GPHN: variants seen among roughly 807,000 people sequenced by gnomAD.
GPHN encodes gephyrin.
Under a neutral mutation model 95.5 loss-of-function variants are expected in GPHN, and 17 were observed. That is an observed-to-expected ratio of 0.18 (90% CI 0.12 to 0.27). The LOEUF (loss-of-function observed/expected upper bound fraction) is 0.27, where lower values mean the gene tolerates loss of function less well. Among genes scored for constraint, GPHN ranks in the 10% least tolerant of loss-of-function variants. GPHN has a pLI of 1.00. For missense variants in GPHN, 660 were observed against 978.1 expected, an observed-to-expected ratio of 0.67 and a Z score of 4.34; for synonymous variants, 320 against 322.5, an observed-to-expected ratio of 0.99 and a Z score of 0.08.
chr14:67,435,761 C>T, the GPHN span, among the ~76,000 whole-genome samples: 1 of 152,210 alleles, frequency 6.6e-6, no homozygotes, highest in African/African-American at 2.4e-5. Context: ...ACCTTTCTGC[C>T]TTCAACTCTG....
chr14:67,264,268 A>G, the GPHN span, among the ~76,000 whole-genome samples: 1 of 152,216 alleles, frequency 6.6e-6, no homozygotes, highest in Non-Finnish European at 1.5e-5. Context: ...AGAATTGTTT[A>G]AAGATTAAGT....
At chr14:67,687,068 T>C in the GPHN span, among the ~76,000 whole-genome samples, 4 of 152,330 alleles carry the variant, frequency 2.6e-5, no homozygotes, top group South Asian at 8.3e-4. Flanking sequence ...AAAAGGGTTC[T>C]GATGAATGCC....
the GPHN span, among the ~76,000 whole-genome samples, chr14:67,631,434 CT>C: frequency 2.7e-3 from 302 of 113,118 alleles, no homozygotes; most frequent in African/African-American, 3.3e-3. Flanking sequence ...TTCTTTCTTT[CT>C]TTTTTTTTTT....
At chr14:66,819,822 C>A (rs2061121474) in intron 3 of GPHN, among the ~76,000 whole-genome samples, 1 of 152,016 alleles carries the variant, frequency 6.6e-6, no homozygotes, top group South Asian at 2.1e-4. Context: ...ATTCCAACAT[C>A]TTTCACTGCT....
chr14:67,639,226 C>T, the GPHN span, among the ~76,000 whole-genome samples: 125 of 152,234 alleles, frequency 8.2e-4, no homozygotes, highest in Middle Eastern at 3.4e-3. Context: ...TTTTCTGTCA[C>T]GTTTATCTGA....
intron 6 of GPHN, among the ~76,000 whole-genome samples, chr14:66,918,754 A>G (rs2066047775): frequency 6.6e-6 from 1 of 152,154 alleles, no homozygotes; most frequent in South Asian, 2.1e-4. Context: ...AAGGACCTAG[A>G]GATCACTCCC....
intron 1 of GPHN, among the ~76,000 whole-genome samples, chr14:66,545,345 C>T (rs1175072932): frequency 6.8e-6 from 1 of 146,264 alleles, no homozygotes; most frequent in Admixed American, 6.7e-5. Flanking sequence ...CTGACCCCCC[C>T]ACCTCCCTCC....
At chr14:66,529,848 C>G (rs1232090230) in intron 1 of GPHN, among the ~76,000 whole-genome samples, 1 of 152,144 alleles carries the variant, frequency 6.6e-6, no homozygotes, top group Non-Finnish European at 1.5e-5. Flanking sequence ...AAGCTTCATC[C>G]CAGAGGGGCA....
At chr14:67,389,651 T>G in the GPHN span, among the ~76,000 whole-genome samples, 1 of 152,056 alleles carries the variant, frequency 6.6e-6, no homozygotes, top group African/African-American at 2.4e-5. Context: ...CACGTATGTG[T>G]GTGTATATAT....
Position 67,025,387 on chromosome 14 carries a change from T to C in GPHN, c.1006+1712T>C, listed in dbSNP as rs78868975. 7.1e-3 allele frequency among the ~76,000 whole-genome samples: 1,078 copies of C among 152,314 alleles called. 5 individuals are homozygous for C. The highest frequency in any genetic ancestry group is 0.025 in the African/African-American group (1,029 of 41,566). On this transcript the variant is annotated intron_variant, in intron 10 of 22. Coordinates refer to ENST00000478722, the MANE Select transcript of GPHN (RefSeq NM_020806.5). ...CCAAGTTTCAGGTTTCTTGTAAGAC[T>C]GGTGTCCTTTAGATAAACTTTACCC... is the stretch of plus-strand genomic sequence containing the variant.
the GPHN span, among the ~76,000 whole-genome samples, chr14:67,451,863 G>T: frequency 6.6e-6 from 1 of 152,202 alleles, no homozygotes; most frequent in Non-Finnish European, 1.5e-5. Context: ...GGGGCCAGGG[G>T]TGGAATGATA....
chr14:66,694,747 T>A (rs577534523), intron 2 of GPHN, among the ~76,000 whole-genome samples: 4 of 152,032 alleles, frequency 2.6e-5, no homozygotes, highest in Non-Finnish European at 5.9e-5. Context: ...ACAAACACAA[T>A]GCCATGAAAT....
At chr14:67,656,504 C>T in the GPHN span, 118 of 1,613,774 alleles carry the variant, frequency 7.3e-5, no homozygotes, top group Non-Finnish European at 8.7e-5. Flanking sequence ...TGTGGCAATC[C>T]GATGAGAACG....
chr14:67,652,886 C>G, the GPHN span, among the ~76,000 whole-genome samples: 1 of 152,148 alleles, frequency 6.6e-6, no homozygotes, highest in Admixed American at 6.5e-5. Flanking sequence ...CTCCACCCCC[C>G]AGGTTCAAGC....
At chr14:67,562,768 G>C in the GPHN span, 4 of 1,613,840 alleles carry the variant, frequency 2.5e-6, no homozygotes, top group African/African-American at 5.3e-5. Context: ...AGATGGAGAT[G>C]GAGGAGCCAC....
intron 13 of GPHN, among the ~76,000 whole-genome samples, chr14:67,109,161 C>G (rs1025201405): frequency 1.3e-5 from 2 of 152,172 alleles, no homozygotes; most frequent in Non-Finnish European, 2.9e-5. Context: ...ATATGGTAAT[C>G]TTATAGGACC....
At chr14:67,685,064 G>A in the GPHN span, 4 of 1,614,188 alleles carry the variant, frequency 2.5e-6, no homozygotes, top group Admixed American at 3.3e-5. Context: ...AAGGCACAGT[G>A]CAGGCTGGTC....
intron 2 of GPHN, among the ~76,000 whole-genome samples, chr14:66,724,951 T>C (rs72728611): frequency 2.0e-3 from 299 of 152,210 alleles, no homozygotes; most frequent in African/African-American, 6.7e-3. Flanking sequence ...TCCTCCAAAT[T>C]TATATGTTGA....
intron 9 of GPHN, among the ~76,000 whole-genome samples, chr14:67,018,732 A>T (rs751654842): frequency 2.9e-4 from 44 of 152,250 alleles, no homozygotes; most frequent in Non-Finnish European, 6.0e-4. Flanking sequence ...TACAGCTGTC[A>T]GTGGCACCAC....
Sources: allele counts gnomAD v4.1 joint callset (sites outside exome capture counted in the v4.1 genomes callset), GRCh38; gene constraint gnomAD v4.1.1; transcripts MANE v1.5; gene names NCBI Gene and HGNC (gene_info 2026-07-23, HGNC 2026-07-21).